The following ANKRD30BL variants were observed in gnomAD, a reference collection of about 807,000 sequenced individuals.
ANKRD30BL encodes ankyrin repeat domain 30B like, also known as putative ankyrin repeat domain-containing protein 30B-like.
In ANKRD30BL, 20 loss-of-function variants were observed where a neutral mutation model predicts 18.4. The ratio of observed to expected loss-of-function variants is 1.09; its 90% CI spans 0.77 to 1.58. ANKRD30BL has a LOEUF of 1.58. ANKRD30BL is among the 40% of genes most tolerant of loss of function. ANKRD30BL has a pLI of 0.00. For missense variants in ANKRD30BL, 224 were observed against 268.6 expected, an observed-to-expected ratio of 0.83 and a Z score of 1.16; for synonymous variants, 72 against 100.9, an observed-to-expected ratio of 0.71 and a Z score of 1.72.
intron 1 of ANKRD30BL, among the ~76,000 whole-genome samples, chr2:132,227,503 G>A (rs79541529): frequency 4.0e-5 from 6 of 151,662 alleles, no homozygotes; most frequent in African/African-American, 1.5e-4. Context: ...ATCTGCAAGT[G>A]GATATTAGGT....
intron 1 of ANKRD30BL, among the ~76,000 whole-genome samples, chr2:132,242,948 A>G (rs1228606708): frequency 6.6e-6 from 1 of 151,830 alleles, no homozygotes; most frequent in Admixed American, 6.6e-5. Context: ...CAACTCGCAG[A>G]GTTAAATCTT....
At chr2:132,222,937 T>C (rs201349774) in intron 1 of ANKRD30BL, among the ~76,000 whole-genome samples, 2 of 148,872 alleles carry the variant, frequency 1.3e-5, no homozygotes, top group Non-Finnish European at 3.0e-5. Flanking sequence ...AAAGGAAATA[T>C]GTTCACATAA....
At chr2:132,196,197 G>T (rs1181932271) in intron 1 of ANKRD30BL, among the ~76,000 whole-genome samples, 1 of 151,690 alleles carries the variant, frequency 6.6e-6, no homozygotes, top group Non-Finnish European at 1.5e-5. Flanking sequence ...ACAGGCAAAA[G>T]GCCAGGCATA....
At chr2:132,240,656 A>T (rs1291742236) in intron 1 of ANKRD30BL, among the ~76,000 whole-genome samples, 1 of 151,574 alleles carries the variant, frequency 6.6e-6, no homozygotes, top group Non-Finnish European at 1.5e-5. Context: ...TGGAAACTGG[A>T]TTATCTTCAC....
intron 4 of ANKRD30BL, among the ~76,000 whole-genome samples, chr2:132,153,159 C>G (rs565210227): frequency 2.6e-5 from 4 of 152,226 alleles, no homozygotes; most frequent in African/African-American, 9.6e-5. Flanking sequence ...CTGCCCCCAC[C>G]GCCAATCCTT....
intron 4 of ANKRD30BL, among the ~76,000 whole-genome samples, chr2:132,151,553 C>T (rs1351484754): frequency 5.3e-5 from 8 of 151,396 alleles, no homozygotes; most frequent in Non-Finnish European, 1.0e-4. Flanking sequence ...TTGCTTGAAT[C>T]CAGAAGTTCA....
At chr2:132,209,724 T>C (rs932581041) in intron 1 of ANKRD30BL, among the ~76,000 whole-genome samples, 37 of 152,314 alleles carry the variant, frequency 2.4e-4, no homozygotes, top group African/African-American at 8.7e-4. Context: ...GAGAAAGTTC[T>C]TTGTGATGTG....
In ANKRD30BL at chr2:132,161,613, A is replaced by G. The variant is rs761297468; in HGVS notation, c.93T>C (p.Ser31=). The change falls in exon 1 of 6, where the codon TCT becomes TCC. Residue 31 remains serine (S), a synonymous_variant. Transcript: ENST00000409867. ...TGAGATCCCCATGGTGAATCACGTA[A>G]GAGTCGTTGTTGGTGTAGACCAGCT... ...FSQLVYTNND[S]YVIHHGDLRK... The G allele has an allele frequency of 2.1e-6, 3 of 1,453,612 alleles. No individual in the cohort carries two copies. The highest frequency in any genetic ancestry group is 4.8e-4 in the Middle Eastern group (2 of 4,190). The allele number at this position is 1,453,612 out of a possible 1,614,324, so 90.0% of individuals were successfully genotyped here.
chr2:132,228,471 GT>G (rs1305276845), intron 1 of ANKRD30BL, among the ~76,000 whole-genome samples: 1 of 151,502 alleles, frequency 6.6e-6, no homozygotes, highest in Admixed American at 6.6e-5. Context: ...AAACTTCTTT[GT>G]GATGTGTGCA....
chr2:132,231,764 G>A (rs949121636), intron 1 of ANKRD30BL, among the ~76,000 whole-genome samples: 5 of 152,180 alleles, frequency 3.3e-5, no homozygotes, highest in African/African-American at 1.2e-4. Context: ...GCTGGGGGAG[G>A]GGCACCCGCC....
intron 1 of ANKRD30BL, among the ~76,000 whole-genome samples, chr2:132,182,035 C>T (rs1163868656): frequency 2.6e-5 from 4 of 151,580 alleles, no homozygotes; most frequent in Non-Finnish European, 4.4e-5. Flanking sequence ...GGCTTTAACC[C>T]GGGAGGTGGA....
chr2:132,194,421 G>A (rs1678923691), intron 1 of ANKRD30BL, among the ~76,000 whole-genome samples: 1 of 152,236 alleles, frequency 6.6e-6, no homozygotes, highest in Non-Finnish European at 1.5e-5. Context: ...GTCTCTGGAA[G>A]CACTTCTACA....
chr2:132,209,005 AT>A (rs1679266457), intron 1 of ANKRD30BL, among the ~76,000 whole-genome samples: 1 of 152,144 alleles, frequency 6.6e-6, no homozygotes, highest in African/African-American at 2.4e-5. Context: ...AAAAGTAAAT[AT>A]CTTCACATCA....
chr2:132,190,652 T>G (rs1678827050), intron 1 of ANKRD30BL, among the ~76,000 whole-genome samples: 1 of 152,154 alleles, frequency 6.6e-6, no homozygotes, highest in South Asian at 2.1e-4. Flanking sequence ...GTATGCAATA[T>G]GAGTTTAGCA....
At chr2:132,252,571 C>G (rs79163429) in intron 1 of ANKRD30BL, among the ~76,000 whole-genome samples, 1 of 151,936 alleles carries the variant, frequency 6.6e-6, no homozygotes, top group Admixed American at 6.6e-5. Context: ...GCGAGGAGGA[C>G]GGTGCCTCAG....
intron 1 of ANKRD30BL, among the ~76,000 whole-genome samples, chr2:132,239,676 T>A (rs79057634): frequency 6.6e-6 from 1 of 152,052 alleles, no homozygotes; most frequent in East Asian, 1.9e-4. Flanking sequence ...CTCAGAAACA[T>A]CTTTGTGATG....
intron 1 of ANKRD30BL, among the ~76,000 whole-genome samples, chr2:132,221,156 C>T (rs1679664816): frequency 1.4e-5 from 2 of 145,986 alleles, no homozygotes; most frequent in South Asian, 4.2e-4. Context: ...TGAGGAGCAT[C>T]TCCGCCCGGC....
At chr2:132,254,219 C>T (rs1311135487) in intron 1 of ANKRD30BL, among the ~76,000 whole-genome samples, 1 of 151,972 alleles carries the variant, frequency 6.6e-6, no homozygotes, top group Non-Finnish European at 1.5e-5. Flanking sequence ...AGTTCTCTGG[C>T]TCTCGGGGCA....
At chr2:132,236,098 C>G (rs1680143462) in intron 1 of ANKRD30BL, among the ~76,000 whole-genome samples, 1 of 152,050 alleles carries the variant, frequency 6.6e-6, no homozygotes, top group Admixed American at 6.6e-5. Context: ...AAAGGATTCC[C>G]TATTTAATAA....
Sources: allele counts gnomAD v4.1 joint callset (sites outside exome capture counted in the v4.1 genomes callset), GRCh38; gene constraint gnomAD v4.1.1; transcripts MANE v1.5; gene names NCBI Gene and HGNC (gene_info 2026-07-23, HGNC 2026-07-21).